BUB1B: variants seen among roughly 807,000 people sequenced by gnomAD.
BUB1B encodes the protein BUB1 mitotic checkpoint serine/threonine kinase B.
Under a neutral mutation model 137.7 loss-of-function variants are expected in BUB1B, and 86 were observed. The observed-to-expected ratio is 0.62, with a 90% CI of 0.52 to 0.75. The LOEUF (loss-of-function observed/expected upper bound fraction) is 0.75. Ranked by LOEUF, BUB1B falls within the 30% of genes least tolerant of loss-of-function variation. The probability of loss-of-function intolerance (pLI) is 0.00; values close to 1 mark genes in which losing one functional copy is unlikely to be tolerated. For missense variants in BUB1B, 1,130 were observed against 1,236.9 expected (o/e 0.91, Z 1.30); for synonymous variants, 420 against 417.9 (o/e 1.00, Z -0.06).
In BUB1B at chr15:40,181,368, G is replaced by C. The variant is rs75068063; in HGVS notation, c.582-2346G>C. Reference sequence around the variant, plus strand: ...GGCCTCCCAAAGTGCTGGGATTACAGGCGTGAACCACCACGCCTGGCCTAG... The same window carrying C: ...GGCCTCCCAAAGTGCTGGGATTACACGCGTGAACCACCACGCCTGGCCTAG... On this transcript the variant is annotated intron_variant, in intron 5 of 22. Transcript: ENST00000287598. Among the ~76,000 whole-genome samples the C allele has an allele frequency of 6.5e-4, 99 of 152,334 alleles. 2 individuals carry two copies. In the East Asian group the frequency reaches 0.011, roughly 16 times the overall value.
chr15:40,166,232 C>T, intron 2 of BUB1B: 2 of 334,162 alleles, frequency 6.0e-6, no homozygotes, highest in South Asian at 4.6e-5. Context: ...TTTATTTATT[C>T]ACCAATTGAT....
intron 5 of BUB1B, among the ~76,000 whole-genome samples, chr15:40,180,251 C>CTTTTTTTTTTTTTTT (rs34300396): frequency 5.5e-5 from 5 of 90,498 alleles, no homozygotes; most frequent in African/African-American, 2.2e-4. Context: ...CGTTTCGTTT[C>CTTTTTTTTTTTTTTT]TTTTTTTTTT....
At chr15:40,213,702 ATT>A (rs2037742216) in intron 20 of BUB1B, among the ~76,000 whole-genome samples, 1 of 151,922 alleles carries the variant, frequency 6.6e-6, no homozygotes, top group South Asian at 2.1e-4. Flanking sequence ...CACCTGGCTA[ATT>A]TTTTGTATTT....
At position 40,212,616 on chromosome 15, in the gene BUB1B, T is replaced by A; in HGVS notation, c.2503T>A (p.Trp835Arg). The A allele has an allele frequency of 2.5e-6, 4 of 1,613,654 alleles. No homozygotes were observed. Among genetic ancestry groups the A allele is most frequent in the Non-Finnish European group, 3.4e-6 (4 of 1,179,818 alleles). The change falls in exon 19 of 23, where the codon TGG (tryptophan) becomes AGG (arginine). Residue 835 changes from tryptophan (W) to arginine (R), a missense_variant. By Grantham distance (101) the Trp-to-Arg change is moderately radical (BLOSUM62 -3). Coordinates refer to ENST00000287598, the MANE Select transcript of BUB1B (RefSeq NM_001211.6). ...TCAATATCAAGATGGCTGTATTGTT[T>A]GGCACCAATATATAAACTGCTTCAC... ...CYQYQDGCIV[W>R]HQYINCFTLQ... is the part of the protein sequence containing the mutation.
chr15:40,194,666 A>G (rs1016047762), intron 8 of BUB1B, among the ~76,000 whole-genome samples: 1 of 152,208 alleles, frequency 6.6e-6, no homozygotes, highest in South Asian at 2.1e-4. Context: ...CTGCTATATC[A>G]TGGTTGAGGT....
chr15:40,215,081 A>T (rs1050293127), intron 20 of BUB1B, among the ~76,000 whole-genome samples: 1 of 152,208 alleles, frequency 6.6e-6, no homozygotes, highest in Admixed American at 6.5e-5. Context: ...TAGAGGCTCT[A>T]GGAAAGTCCA....
intron 15 of BUB1B, among the ~76,000 whole-genome samples, chr15:40,207,356 C>G (rs1263375350): frequency 2.0e-5 from 3 of 152,112 alleles, no homozygotes; most frequent in Admixed American, 6.5e-5. Context: ...GTAATCCTGG[C>G]ACTTTGGGAG....
chr15:40,219,157 G>C (rs1173259365), intron 22 of BUB1B, among the ~76,000 whole-genome samples: 1 of 152,030 alleles, frequency 6.6e-6, no homozygotes, highest in Non-Finnish European at 1.5e-5. Context: ...TGATCCGCCC[G>C]CCTCGGCCTC....
Position 40,202,389 on chromosome 15 carries a change from GTC to G in BUB1B, c.1568-10_1568-9del. On this transcript the variant is annotated splice_polypyrimidine_tract_variant and intron_variant, in intron 12 of 22. Coordinates refer to ENST00000287598, the MANE Select transcript of BUB1B (RefSeq NM_001211.6). ...CATTTACTCCTAGAGTATGTATCTAGTCTCTCTTTCTCTAGGTCCCAGTGTAC... is the reference window on the plus strand; with the variant it reads ...CATTTACTCCTAGAGTATGTATCTAGTCTCTTTCTCTAGGTCCCAGTGTAC... 4 of 1,588,574 alleles carry G rather than the reference GTC, an allele frequency of 2.5e-6. No homozygotes were observed. The highest frequency in any genetic ancestry group is 1.7e-5 in the Admixed American group (1 of 59,874).
intron 22 of BUB1B, among the ~76,000 whole-genome samples, chr15:40,220,293 A>G (rs1429262729): frequency 6.6e-6 from 1 of 152,172 alleles, no homozygotes; most frequent in South Asian, 2.1e-4. Flanking sequence ...GAAAAGTGCT[A>G]TGTCTTAGTA....
intron 2 of BUB1B, 147 bp downstream of exon 2, chr15:40,165,343 CAT>C: frequency 1.9e-6 from 2 of 1,026,260 alleles, no homozygotes; most frequent in Non-Finnish European, 2.9e-6. Context: ...TTTCGTATCA[CAT>C]GACAGCTATC....
At chr15:40,204,317 C>T (rs894610144) in intron 14 of BUB1B, among the ~76,000 whole-genome samples, 23 of 152,180 alleles carry the variant, frequency 1.5e-4, no homozygotes, top group Non-Finnish European at 2.6e-4. Context: ...TAATTAATTA[C>T]ATATTGTGTT....
At chr15:40,210,513 T>G (rs1363722547) in intron 18 of BUB1B, among the ~76,000 whole-genome samples, 1 of 152,118 alleles carries the variant, frequency 6.6e-6, no homozygotes, top group African/African-American at 2.4e-5. Flanking sequence ...CCTAGTTTCT[T>G]TTTATCTTTG....
chr15:40,202,475 T>TTTTTTG lies in BUB1B; in HGVS notation c.1628+16_1628+21dup. On this transcript the variant is annotated intron_variant, in intron 13 of 22. Transcript: ENST00000287598. The stretch of plus-strand genomic sequence containing the variant: ...AAAAGAAGAATAAAAGGTACGTTGT[T>TTTTTTG]TTTTTGTTTTTTTGGTTTTTTTTTA... 6.2e-7 allele frequency: 1 copy of TTTTTTG among 1,608,582 alleles called. No homozygotes were observed. The highest frequency in any genetic ancestry group is 1.3e-5 in the African/African-American group (1 of 74,696).
At chr15:40,169,821 C>T (rs977313746) in intron 2 of BUB1B, among the ~76,000 whole-genome samples, 7 of 151,954 alleles carry the variant, frequency 4.6e-5, no homozygotes, top group African/African-American at 1.7e-4. Flanking sequence ...CCATGTTGCC[C>T]AGGCTGGTCT....
At chr15:40,215,629 C>T (rs941962444) in intron 20 of BUB1B, among the ~76,000 whole-genome samples, 2 of 151,690 alleles carry the variant, frequency 1.3e-5, no homozygotes, top group Admixed American at 6.6e-5. Flanking sequence ...GATAGCCAGC[C>T]GTGGTGGCAG....
At chr15:40,217,340 GCT>G (rs1209256441) in intron 20 of BUB1B, 154 bp from the exon 21 acceptor site, 8 of 737,006 alleles carry the variant, frequency 1.1e-5, no homozygotes, top group African/African-American at 5.3e-5. Flanking sequence ...CACTGCCACT[GCT>G]CTGTCTTACA....
chr15:40,212,311 C>G lies in BUB1B; in HGVS notation c.2386-188C>G, dbSNP rs115298965. Among the ~76,000 whole-genome samples the G allele has an allele frequency of 0.015, 2,213 of 152,314 alleles. 59 individuals carry two copies. The highest frequency in any genetic ancestry group is 0.05 in the African/African-American group (2,093 of 41,570). Reference sequence around the variant, plus strand: ...TTTTATTCTAATTGGATTGTTACCTCCTGTTCTCTTTCCAGCTTATCCTCT... The same window carrying G: ...TTTTATTCTAATTGGATTGTTACCTGCTGTTCTCTTTCCAGCTTATCCTCT... On this transcript the variant is annotated intron_variant, in intron 18 of 22. Transcript: ENST00000287598.
chr15:40,170,244 G>C lies in BUB1B; in HGVS notation c.239+123G>C. The C allele has an allele frequency of 4.2e-6, 4 of 947,816 alleles. No homozygotes were observed. In the South Asian group the frequency reaches 5.5e-5, roughly 13 times the overall value. The allele number at this position is 947,816 out of a possible 1,614,324, so 58.7% of individuals were successfully genotyped here. A position where few individuals can be genotyped will look rare whatever the true frequency, so the allele number is the denominator to read the frequency against. On this transcript the variant is annotated intron_variant, in intron 3 of 22. Coordinates refer to ENST00000287598, the MANE Select transcript of BUB1B (RefSeq NM_001211.6). Reference sequence around the variant, plus strand: ...TAGACAGTGGTGTCCTGGGGGCACAGAGATCCAGAATAATCATAATATATC... The same window carrying C: ...TAGACAGTGGTGTCCTGGGGGCACACAGATCCAGAATAATCATAATATATC...
Sources: gnomAD v4.1 joint callset for allele counts (sites outside exome capture counted in the v4.1 genomes callset) on GRCh38, gnomAD v4.1.1 for gene constraint, MANE v1.5 for transcripts, NCBI Gene and HGNC (gene_info 2026-07-23, HGNC 2026-07-21) for gene names.